The following TMBIM6 variants were observed in gnomAD, a reference collection of about 807,000 sequenced individuals.
The protein encoded by TMBIM6 is transmembrane BAX inhibitor motif containing 6.
In TMBIM6, 13 loss-of-function variants were observed where a neutral mutation model predicts 31.4. That is an observed-to-expected ratio of 0.41 (90% CI 0.27 to 0.66). The LOEUF (loss-of-function observed/expected upper bound fraction) is 0.66, where lower values mean the gene tolerates loss of function less well. TMBIM6 is among the 30% of genes least tolerant of loss of function. The pLI is 0.28. For missense variants in TMBIM6, 275 were observed against 289.5 expected (o/e 0.95, Z 0.36); for synonymous variants, 85 against 101.7 (o/e 0.84, Z 0.99).
chr12:49,761,818 C>T, intron 9 of TMBIM6, 39 bp downstream of exon 9: 1 of 1,597,100 alleles, frequency 6.3e-7, no homozygotes, highest in Non-Finnish European at 8.6e-7. Flanking sequence ...ACAATAATGG[C>T]TCCTGAGCTT....
intron 1 of TMBIM6, chr12:49,743,428 T>C (rs1945335185): frequency 6.6e-6 from 1 of 151,934 alleles, no homozygotes; most frequent in Non-Finnish European, 1.5e-5. Flanking sequence ...AGAGACGGGC[T>C]TTTGCCAAGT....
At position 49,764,907 on chromosome 12, in the gene TMBIM6, A is replaced by G. The variant is rs1025553115; in HGVS notation, c.*2011A>G. On this transcript the variant is annotated 3_prime_UTR_variant, in exon 10 of 10. Transcript: ENST00000267115. Reference sequence around the variant, plus strand: ...TGAAATCTGCATAGTCTTAATTTGTAAAAAATAAAGAAAATTCCTTAACCT... The same window carrying G: ...TGAAATCTGCATAGTCTTAATTTGTGAAAAATAAAGAAAATTCCTTAACCT... 1 of 152,172 alleles carries G rather than the reference A, an allele frequency of 6.6e-6. No homozygotes were observed. Among genetic ancestry groups the G allele is most frequent in the Non-Finnish European group, 1.5e-5 (1 of 68,038 alleles). The allele number at this position is 152,172 out of a possible 1,614,324, so 9.4% of individuals were successfully genotyped here. A position where few individuals can be genotyped will look rare whatever the true frequency, so the allele number is the denominator to read the frequency against.
At chr12:49,753,215 T>G in intron 3 of TMBIM6, 134 bp downstream of exon 3, 1 of 643,770 alleles carries the variant, frequency 1.6e-6, no homozygotes, top group Non-Finnish European at 2.6e-6. Flanking sequence ...ACTCAGACAT[T>G]AAATCAGGAC....
intron 1 of TMBIM6, among the ~76,000 whole-genome samples, chr12:49,747,418 C>T (rs1428357691): frequency 1.3e-5 from 2 of 152,118 alleles, no homozygotes; most frequent in South Asian, 4.1e-4. Context: ...AAGCAATTCT[C>T]CTTCCTCAGC....
intron 1 of TMBIM6, among the ~76,000 whole-genome samples, chr12:49,750,346 A>G (rs1945472815): frequency 6.6e-6 from 1 of 152,196 alleles, no homozygotes; most frequent in Non-Finnish European, 1.5e-5. Flanking sequence ...ATTGGAAGCA[A>G]GAGGTTCTTT....
At chr12:49,749,290 A>G (rs1592723257) in intron 1 of TMBIM6, among the ~76,000 whole-genome samples, 9 of 152,144 alleles carry the variant, frequency 5.9e-5, no homozygotes. Flanking sequence ...ACATTTTAAC[A>G]TTTCTGAAAT....
In TMBIM6 at chr12:49,753,380, A is replaced by G. The variant is rs192597593; in HGVS notation, c.165+299A>G. On this transcript the variant is annotated intron_variant, in intron 3 of 9. Transcript: ENST00000267115. ...CATGCATGCTGGGATTCTTTGGCAC[A>G]GAAGCTTTTTTATCTTTTCCTCCAT... 3.3e-3 allele frequency among the ~76,000 whole-genome samples: 503 copies of G among 152,324 alleles called. 5 individuals are homozygous for G. The highest frequency in any genetic ancestry group is 0.01 in the Middle Eastern group (3 of 294).
At chr12:49,743,631 T>G (rs1257593964) in intron 1 of TMBIM6, 6 of 152,234 alleles carry the variant, frequency 3.9e-5, no homozygotes, top group Non-Finnish European at 4.4e-5. Context: ...TAGTTCGCGC[T>G]CTTTATACAA....
At position 49,764,727 on chromosome 12, in the gene TMBIM6, G is replaced by A. The variant is rs58387198; in HGVS notation, c.*1831G>A. On this transcript the variant is annotated 3_prime_UTR_variant, in exon 10 of 10. Coordinates refer to ENST00000267115, the MANE Select transcript of TMBIM6 (RefSeq NM_003217.3). The stretch of plus-strand genomic sequence containing the variant: ...CAAGATATTAAAAAAAAAAAAGAAA[G>A]AAAAAAAAAAAAACACCTACTTTTA... 0.028 allele frequency: 3,165 copies of A among 113,510 alleles called. 135 individuals carry two copies. The highest frequency in any genetic ancestry group is 0.1 in the African/African-American group (2,881 of 28,786). 7.0% of individuals were successfully genotyped at this position (113,510 alleles called of 1,614,324 possible).
chr12:49,758,552 AC>A, intron 6 of TMBIM6, 72 bp downstream of exon 6: 1 of 1,556,814 alleles, frequency 6.4e-7, no homozygotes. Context: ...CTCCTTCCTT[AC>A]CCCTAACTCC....
intron 1 of TMBIM6, among the ~76,000 whole-genome samples, chr12:49,743,792 AAG>A (rs1945342538): frequency 1.3e-5 from 2 of 152,210 alleles, no homozygotes; most frequent in Admixed American, 6.5e-5. Context: ...GAATAGTAAA[AAG>A]AGCACTAGAC....
chr12:49,743,230 A>G (rs1029924896), intron 1 of TMBIM6, among the ~76,000 whole-genome samples: 2 of 147,882 alleles, frequency 1.4e-5, no homozygotes, highest in African/African-American at 5.1e-5. Flanking sequence ...TTATTTATTT[A>G]TTATTATTAT....
chr12:49,743,009 C>CA (rs1208547395), intron 1 of TMBIM6, among the ~76,000 whole-genome samples: 1 of 122,916 alleles, frequency 8.1e-6, no homozygotes, highest in East Asian at 2.3e-4. Flanking sequence ...TTTTTTGAGG[C>CA]AGAGTCTCAC....
chr12:49,761,984 C>G (rs1945728674), intron 9 of TMBIM6: 1 of 539,064 alleles, frequency 1.9e-6, no homozygotes, highest in Admixed American at 3.5e-5. Context: ...TAACTAATTC[C>G]TGCGTTTAGT....
chr12:49,762,798 A>G (rs1945744602), intron 9 of TMBIM6, 75 bp from the exon 10 acceptor site: 1 of 1,409,666 alleles, frequency 7.1e-7, no homozygotes, highest in Non-Finnish European at 1.0e-6. Context: ...GTCCCTAACT[A>G]AATGCTCACT....
chr12:49,752,352 TTTTAGG>T, intron 1 of TMBIM6, 106 bp from the exon 2 acceptor site: 2 of 716,164 alleles, frequency 2.8e-6, no homozygotes, highest in Non-Finnish European at 4.5e-6. Context: ...GGCTGTAGAA[TTTTAGG>T]CAAGTTTTCA....
chr12:49,748,523 A>G (rs1399915527), intron 1 of TMBIM6, among the ~76,000 whole-genome samples: 1 of 152,192 alleles, frequency 6.6e-6, no homozygotes, highest in Non-Finnish European at 1.5e-5. Flanking sequence ...CAGGGATACC[A>G]CAGAATGATG....
At chr12:49,759,433 G>A (rs118119231) in intron 8 of TMBIM6, 112 bp downstream of exon 8, 12,937 of 836,672 alleles carry the variant, frequency 0.015, 130 homozygotes, top group Non-Finnish European at 0.019. Context: ...GGGAGTGTAT[G>A]TGGTAGGAAA....
rs1945776392 is a variant in TMBIM6 at position 49,764,353 on chromosome 12, GCA to G, written c.*1460_*1461del. 1 of 152,188 alleles carries G rather than the reference GCA, an allele frequency of 6.6e-6. No individual in the cohort carries two copies. The highest frequency in any genetic ancestry group is 1.5e-5 in the Non-Finnish European group (1 of 68,040). 9.4% of individuals were successfully genotyped at this position (152,188 alleles called of 1,614,324 possible). On this transcript the variant is annotated 3_prime_UTR_variant, in exon 10 of 10. Coordinates refer to ENST00000267115, the MANE Select transcript of TMBIM6 (RefSeq NM_003217.3). ...TTGGCTCTCCCTATTCACAACCAGTGCACAGTTTGACACAGTGGCCTCAGGTT... is the reference window on the plus strand; with the variant it reads ...TTGGCTCTCCCTATTCACAACCAGTGCAGTTTGACACAGTGGCCTCAGGTT...
Sources: gnomAD v4.1 joint callset for allele counts (sites outside exome capture counted in the v4.1 genomes callset) on GRCh38, gnomAD v4.1.1 for gene constraint, MANE v1.5 for transcripts, NCBI Gene and HGNC (gene_info 2026-07-23, HGNC 2026-07-21) for gene names.